The following SRD5A3 variants were observed in gnomAD, a reference collection of about 807,000 sequenced individuals.
SRD5A3 encodes the protein steroid 5 alpha-reductase 3.
A neutral mutation model predicts 34.3 loss-of-function variants in SRD5A3; 24 were observed. The ratio of observed to expected loss-of-function variants is 0.70; its 90% CI spans 0.51 to 0.99. The LOEUF (loss-of-function observed/expected upper bound fraction) is 0.99, where lower values mean the gene tolerates loss of function less well. Ranked by LOEUF, SRD5A3 falls within the 50% of genes least tolerant of loss-of-function variation. The pLI, the probability that SRD5A3 is intolerant of heterozygous loss-of-function variation, is 0.00. For synonymous variants in SRD5A3, 161 were observed against 167.3 expected (o/e 0.96, Z 0.29); for missense variants, 350 against 388.2 (o/e 0.90, Z 0.83).
chr4:55,349,647 A>T, intron 1 of SRD5A3, among the ~76,000 whole-genome samples: 1 of 152,046 alleles, frequency 6.6e-6, no homozygotes, highest in East Asian at 1.9e-4. Context: ...AACATGTATC[A>T]TGATGCTCTG....
chr4:55,364,308 C>G (rs775872968), intron 3 of SRD5A3, 37 bp downstream of exon 3: 2 of 1,609,288 alleles, frequency 1.2e-6, no homozygotes, highest in East Asian at 2.2e-5. Context: ...CTCCCCACCC[C>G]AGGGTGTATG....
chr4:55,370,044 G>A lies in SRD5A3; in HGVS notation c.910G>A (p.Val304Ile), dbSNP rs1228980195. The change falls in exon 5 of 5, where the codon GTC becomes ATC. Residue 304 changes from valine to isoleucine, a missense_variant. Physicochemically the swap from Val to Ile is conservative, Grantham distance 29. This residue lies in a region of SRD5A3 where 186 missense variants were observed against 221.4 expected (regional missense o/e 0.84). Transcript: ENST00000264228. Reference protein sequence around the residue: ...LSHQFYKSKFVSYPKHRKAFL... With the variant: ...LSHQFYKSKFISYPKHRKAFL... ...CCACCAATTCTACAAAAGCAAATTT[G>A]TCTCTTACCCGAAGCATAGGAAAGC... is the stretch of plus-strand genomic sequence containing the variant. 6.2e-7 allele frequency: 1 copy of A among 1,614,066 alleles called. No individual in the cohort carries two copies. The highest frequency in any genetic ancestry group is 8.5e-7 in the Non-Finnish European group (1 of 1,180,022).
intron 2 of SRD5A3, among the ~76,000 whole-genome samples, chr4:55,360,611 A>G (rs1719643819): frequency 6.6e-6 from 1 of 152,180 alleles, no homozygotes; most frequent in African/African-American, 2.4e-5. Flanking sequence ...AAAATTGACT[A>G]AACAGTTGTT....
At chr4:55,366,676 G>T (rs1006719225) in intron 3 of SRD5A3, 2 of 152,208 alleles carry the variant, frequency 1.3e-5, no homozygotes, top group African/African-American at 4.8e-5. Context: ...CATGATCCTT[G>T]GTTCTCTTAC....
chr4:55,350,318 C>G (rs1178055311), intron 1 of SRD5A3, among the ~76,000 whole-genome samples: 1 of 152,104 alleles, frequency 6.6e-6, no homozygotes, highest in East Asian at 1.9e-4. Context: ...TGAAGTGAGC[C>G]AAGATCGCGC....
intron 1 of SRD5A3, 73 bp downstream of exon 1, chr4:55,346,630 C>G: frequency 7.2e-7 from 1 of 1,387,278 alleles, no homozygotes; most frequent in Non-Finnish European, 9.6e-7. Context: ...TCGCGGGCAG[C>G]CAGCAGGGGG....
intron 1 of SRD5A3, among the ~76,000 whole-genome samples, chr4:55,358,683 G>A (rs1404974053): frequency 6.6e-6 from 1 of 151,922 alleles, no homozygotes; most frequent in Non-Finnish European, 1.5e-5. Flanking sequence ...TTGGTTTTGT[G>A]GTCCTATTTG....
intron 3 of SRD5A3, among the ~76,000 whole-genome samples, chr4:55,366,013 C>G (rs985321017): frequency 6.6e-6 from 1 of 152,214 alleles, no homozygotes; most frequent in African/African-American, 2.4e-5. Flanking sequence ...GATGTAAGCT[C>G]TATAAGGACT....
chr4:55,362,240 G>T (rs561196217), intron 2 of SRD5A3, among the ~76,000 whole-genome samples: 2 of 150,848 alleles, frequency 1.3e-5, no homozygotes, highest in South Asian at 2.1e-4. Flanking sequence ...CGATTCTCCT[G>T]CCTCAGCCTC....
chr4:55,351,549 C>T (rs112279564), intron 1 of SRD5A3, among the ~76,000 whole-genome samples: 1 of 151,620 alleles, frequency 6.6e-6, no homozygotes, highest in African/African-American at 2.4e-5. Context: ...GCTGGCCACT[C>T]GGGAGGCTGA....
intron 1 of SRD5A3, among the ~76,000 whole-genome samples, chr4:55,356,770 C>T (rs934244962): frequency 6.6e-6 from 1 of 151,762 alleles, no homozygotes; most frequent in East Asian, 1.9e-4. Context: ...AGTGCAATGG[C>T]GCGATCTTGG....
rs1176564491 is a variant in SRD5A3, at chr4:55,364,269, A to G, written c.560A>G (p.Asn187Ser). The G allele has an allele frequency of 1.9e-6, 3 of 1,614,000 alleles. No homozygotes were observed. The highest frequency in any genetic ancestry group is 2.2e-5 in the East Asian group (1 of 44,874). Residue 187 changes from asparagine to serine, a missense_variant and splice_region_variant, in exon 3 of 5, where the codon AAT (asparagine) becomes AGT (serine). Asn to Ser is a conservative substitution (Grantham distance 46). Coordinates refer to ENST00000264228, the MANE Select transcript of SRD5A3 (RefSeq NM_024592.5). The stretch of plus-strand genomic sequence containing the variant: ...AGCCAAGTGCCAATGGATGGCAGGA[A>G]TGGTGAGTGGATCCAGCCCTGCCAG... Reference protein sequence around the residue: ...VLSQVPMDGRNAYITGKNLLM... With the variant: ...VLSQVPMDGRSAYITGKNLLM...
In SRD5A3 at chr4:55,360,028, C is replaced by T. The variant is rs377436306; in HGVS notation, c.364+540C>T. On this transcript the variant is annotated intron_variant, in intron 2 of 4. Coordinates refer to ENST00000264228, the MANE Select transcript of SRD5A3 (RefSeq NM_024592.5). ...GAGATCGAGACCATCCTGGCTAACACGGTGAAACCCTGTCTCTACTAAAAA... is the reference window on the plus strand; with the variant it reads ...GAGATCGAGACCATCCTGGCTAACATGGTGAAACCCTGTCTCTACTAAAAA... 1.7e-3 allele frequency among the ~76,000 whole-genome samples: 263 copies of T among 151,070 alleles called. 1 individual carries two copies. The highest frequency in any genetic ancestry group is 3.1e-3 in the African/African-American group (129 of 41,076).
chr4:55,357,156 C>G (rs1340865462), intron 1 of SRD5A3, among the ~76,000 whole-genome samples: 1 of 152,178 alleles, frequency 6.6e-6, no homozygotes, highest in African/African-American at 2.4e-5. Context: ...ACCCTCTGTC[C>G]CCTGACCCAG....
chr4:55,352,796 C>T (rs1018407040), intron 1 of SRD5A3, among the ~76,000 whole-genome samples: 10 of 152,174 alleles, frequency 6.6e-5, no homozygotes, highest in African/African-American at 2.4e-4. Flanking sequence ...TCTAGGAAGG[C>T]AGACAGTAAC....
At chr4:55,356,000 ATTTTTTT>A (rs10648522) in intron 1 of SRD5A3, among the ~76,000 whole-genome samples, 2 of 74,264 alleles carry the variant, frequency 2.7e-5, no homozygotes, top group Non-Finnish European at 2.3e-5. Flanking sequence ...TTTTGCCTCC[ATTTTTTT>A]TTTTTTTTTT....
Position 55,346,394 on chromosome 4 carries a change from C to T in SRD5A3, c.58C>T (p.Leu20Phe). Residue 20 changes from leucine (L) to phenylalanine (F), a missense_variant, in exon 1 of 5, where the codon CTC becomes TTC. Physicochemically the swap from Leu to Phe is conservative, Grantham distance 22. Transcript: ENST00000264228. Reference protein sequence around the residue: ...SALNPLRAVWLTLTAAFLLTL... With the variant: ...SALNPLRAVWFTLTAAFLLTL... ...GCTGAACCCGCTGCGCGCGGTGTGG[C>T]TCACGCTGACCGCCGCCTTCCTGCT... 1 of 1,585,160 alleles carries T rather than the reference C, an allele frequency of 6.3e-7. No homozygotes were observed. Among genetic ancestry groups the T allele is most frequent in the East Asian group, 2.4e-5 (1 of 42,262 alleles).
chr4:55,368,574 A>G (rs1719997548), intron 4 of SRD5A3, among the ~76,000 whole-genome samples: 1 of 148,490 alleles, frequency 6.7e-6, no homozygotes, highest in Non-Finnish European at 1.5e-5. Flanking sequence ...ACAGGTGCGC[A>G]CCACTATGCC....
chr4:55,369,577 A>G, intron 4 of SRD5A3: 1 of 502,874 alleles, frequency 2.0e-6, no homozygotes, highest in Non-Finnish European at 3.6e-6. Context: ...AAAAAATTCA[A>G]AAAATGAGCC....
Sources: gnomAD v4.1 joint callset for allele counts (sites outside exome capture counted in the v4.1 genomes callset) on GRCh38, gnomAD v4.1.1 for gene constraint, gnomAD v4.1.1 regional missense constraint, MANE v1.5 for transcripts, NCBI Gene and HGNC (gene_info 2026-07-23, HGNC 2026-07-21) for gene names.